Variants in LRP5 observed in about 807,000 individuals in gnomAD.
LRP5 encodes the protein LDL receptor related protein 5, also known as low-density lipoprotein receptor-related protein 5.
In LRP5, 62 loss-of-function variants were observed where a neutral mutation model predicts 154.1. That is an observed-to-expected ratio of 0.40 (90% confidence interval 0.33 to 0.50). The LOEUF is 0.50. Ranked by LOEUF, LRP5 falls within the 20% of genes least tolerant of loss-of-function variation. The pLI, the probability that LRP5 is intolerant of heterozygous loss-of-function variation, is 0.55. For synonymous variants in LRP5, 966 were observed against 1,011.5 expected (o/e 0.96, Z 0.85); for missense variants, 1,915 against 2,336.7 (o/e 0.82, Z 3.72).
At chr11:68,311,512 G>A (rs150840118), upstream of LRP5, among the ~76,000 whole-genome samples, 3 of 152,338 alleles carry the variant, frequency 2.0e-5, no homozygotes, top group East Asian at 5.8e-4. Context: ...CATTTCTCAT[G>A]GCATTCTTCA....
rs756170312 is a variant in LRP5 at position 68,449,011 on chromosome 11, G to A, written c.4789G>A (p.Glu1597Lys). The A allele has an allele frequency of 1.1e-5, 17 of 1,598,622 alleles. No individual in the cohort carries two copies. The highest frequency in any genetic ancestry group is 8.9e-5 in the East Asian group (4 of 44,836). Residue 1597 changes from glutamate to lysine, a missense_variant, in exon 23 of 23, where the codon GAG becomes AAG. Physicochemically the swap from Glu to Lys is moderately conservative, Grantham distance 56. Coordinates refer to ENST00000294304, the MANE Select transcript of LRP5 (RefSeq NM_002335.4). ...CAGCTGCCCGCCCTCGCCCGCCACC[G>A]AGAGGAGCTACTTCCATCTCTTCCC... ...EDSCPPSPAT[E>K]RSYFHLFPPP...
chr11:68,383,027 G>A (rs2098641121), intron 5 of LRP5, among the ~76,000 whole-genome samples: 1 of 152,062 alleles, frequency 6.6e-6, no homozygotes, highest in Admixed American at 6.6e-5. Flanking sequence ...ACAGGAGTGC[G>A]CCACCAGGCC....
At chr11:68,338,938 A>G (rs1054431886) in intron 1 of LRP5, among the ~76,000 whole-genome samples, 17 of 141,724 alleles carry the variant, frequency 1.2e-4, no homozygotes, top group African/African-American at 4.1e-4. Context: ...TAATGGTGCA[A>G]TGTCGGCTCA....
At chr11:68,391,329 G>A (rs768444244) in intron 7 of LRP5, among the ~76,000 whole-genome samples, 6 of 152,122 alleles carry the variant, frequency 3.9e-5, no homozygotes, top group Non-Finnish European at 7.4e-5. Context: ...TGTCCCCATC[G>A]CACCATCGTC....
intron 21 of LRP5, among the ~76,000 whole-genome samples, chr11:68,440,188 G>A (rs540178906): frequency 5.6e-4 from 86 of 152,342 alleles, no homozygotes; most frequent in African/African-American, 1.8e-3. Flanking sequence ...TCAGCATCCA[G>A]GCGGCCGTCT....
intron 17 of LRP5, 150 bp downstream of exon 17, chr11:68,429,850 T>C: frequency 9.9e-7 from 1 of 1,008,246 alleles, no homozygotes; most frequent in Non-Finnish European, 1.5e-6. Context: ...CTCCTTTCTT[T>C]TCTACTATGT....
intron 10 of LRP5, among the ~76,000 whole-genome samples, chr11:68,411,042 A>G (rs1226766451): frequency 6.6e-6 from 1 of 152,110 alleles, no homozygotes; most frequent in Non-Finnish European, 1.5e-5. Context: ...CGGATCCCGC[A>G]AGGCCTCCCC....
intron 2 of LRP5, among the ~76,000 whole-genome samples, chr11:68,352,714 A>C (rs1565338982): frequency 7.2e-6 from 1 of 139,152 alleles, no homozygotes; most frequent in Non-Finnish European, 1.5e-5. Flanking sequence ...GAGGTATTTG[A>C]TTGGGAGGTG....
At chr11:68,351,761 G>A (rs181743254) in intron 2 of LRP5, among the ~76,000 whole-genome samples, 7 of 152,304 alleles carry the variant, frequency 4.6e-5, no homozygotes, top group East Asian at 1.9e-4. Flanking sequence ...TGAAAGGGAC[G>A]TGTGCGTAGG....
At chr11:68,332,052 C>T (rs987942737) in intron 1 of LRP5, among the ~76,000 whole-genome samples, 1 of 152,092 alleles carries the variant, frequency 6.6e-6, no homozygotes, top group African/African-American at 2.4e-5. Context: ...GGTGCAGCTC[C>T]AGGCTTTCTC....
At chr11:68,365,742 G>A in intron 5 of LRP5, 40 bp downstream of exon 5, 1 of 1,432,742 alleles carries the variant, frequency 7.0e-7, no homozygotes, top group Non-Finnish European at 9.3e-7. Flanking sequence ...GGGCGGGGCG[G>A]GGCCTGGCGG....
chr11:68,308,058 G>A (rs771712949), upstream of LRP5, among the ~76,000 whole-genome samples: 6 of 152,206 alleles, frequency 3.9e-5, no homozygotes, highest in Non-Finnish European at 8.8e-5. Flanking sequence ...GGCCGATGGC[G>A]GCCTTCCCTG....
chr11:68,373,644 C>T (rs999583782), intron 5 of LRP5, among the ~76,000 whole-genome samples: 1 of 152,234 alleles, frequency 6.6e-6, no homozygotes, highest in African/African-American at 2.4e-5. Flanking sequence ...GAGTGCAGAG[C>T]CTGGGCCTCC....
intron 7 of LRP5, among the ~76,000 whole-genome samples, chr11:68,394,963 T>A (rs189737159): frequency 1.4e-4 from 21 of 152,222 alleles, no homozygotes; most frequent in Non-Finnish European, 2.5e-4. Flanking sequence ...AGAGACACCC[T>A]CTGAGCATGG....
Position 68,433,715 on chromosome 11 carries a change from G to A in LRP5, c.3877G>A (p.Glu1293Lys), listed in dbSNP as rs753416214. The change falls in exon 18 of 23, where the codon GAG becomes AAG. Residue 1293 changes from glutamate (E) to lysine (K), a missense_variant. Glu to Lys is a moderately conservative substitution (Grantham distance 56). This residue lies in a region of LRP5 where 1,094 missense variants were observed against 1,210.1 expected (regional missense o/e 0.90). Transcript: ENST00000294304. ...FPECDDQSDE[E>K]GCPVCSAAQF... ...CGAGTGCGATGACCAGAGCGACGAG[G>A]AGGGCTGCCCCGTGTGCTCCGCCGC... The A allele has an allele frequency of 1.9e-5, 31 of 1,612,946 alleles. No homozygotes were observed. The Admixed American group carries it at 2.7e-4, about 14-fold the overall frequency.
At chr11:68,448,018 A>G (rs2098682384) in intron 22 of LRP5, among the ~76,000 whole-genome samples, 1 of 152,208 alleles carries the variant, frequency 6.6e-6, no homozygotes, top group African/African-American at 2.4e-5. Flanking sequence ...TTGTAAAGGA[A>G]AGAGGTTTAA....
Position 68,434,645 on chromosome 11 carries a change from G to T in LRP5, c.4000+807G>T, listed in dbSNP as rs532752988. ...TCCGCCCGCCTCAGCCTCCCAAAGT[G>T]CTGGGATTACAGGCATGAGCCACCG... On this transcript the variant is annotated intron_variant, in intron 18 of 22. Coordinates refer to ENST00000294304, the MANE Select transcript of LRP5 (RefSeq NM_002335.4). Among the ~76,000 whole-genome samples, 20 of 152,290 alleles carry T rather than the reference G, an allele frequency of 1.3e-4. No individual in the cohort carries two copies. The East Asian group carries it at 3.7e-3, about 28-fold the overall frequency.
intron 17 of LRP5, among the ~76,000 whole-genome samples, chr11:68,430,261 C>T (rs1485149983): frequency 6.6e-6 from 1 of 152,226 alleles, no homozygotes; most frequent in Non-Finnish European, 1.5e-5. Flanking sequence ...GCAACCTCTG[C>T]CTCCCGGGTT....
At chr11:68,323,257 C>T (rs866650977) in intron 1 of LRP5, among the ~76,000 whole-genome samples, 10 of 151,852 alleles carry the variant, frequency 6.6e-5, no homozygotes, top group Non-Finnish European at 1.2e-4. Context: ...TACAGGCACC[C>T]GCCACCATGC....
Sources: allele counts gnomAD v4.1 joint callset (sites outside exome capture counted in the v4.1 genomes callset), GRCh38; gene constraint gnomAD v4.1.1; regional missense constraint gnomAD v4.1.1; transcripts MANE v1.5; gene names NCBI Gene and HGNC (gene_info 2026-07-23, HGNC 2026-07-21).